ELL2: variants seen among roughly 807,000 people sequenced by gnomAD.
ELL2 encodes the protein RNA polymerase II elongation factor ELL2.
A neutral mutation model predicts 72.8 loss-of-function variants in ELL2; 21 were observed. That is an observed-to-expected ratio of 0.29 (90% CI 0.20 to 0.42). The LOEUF (loss-of-function observed/expected upper bound fraction) is 0.42. Among genes scored for constraint, ELL2 ranks in the 10% least tolerant of loss-of-function variants. The pLI is 1.00. For missense variants in ELL2, 568 were observed against 772.8 expected (o/e 0.73, Z 3.14); for synonymous variants, 266 against 283.2 (o/e 0.94, Z 0.61).
intron 2 of ELL2, among the ~76,000 whole-genome samples, chr5:95,923,462 G>A (rs114857929): frequency 1.6e-3 from 247 of 152,242 alleles, no homozygotes; most frequent in Non-Finnish European, 2.1e-3. Flanking sequence ...ACGCAGACAC[G>A]GCAGGGGCAG....
At position 95,920,277 on chromosome 5, in the gene ELL2, ATATTTATTTATTTATTTATTTATT is replaced by A. The variant is rs70978197; in HGVS notation, c.196-756_196-733del. ...TGTTATTTTTATTTTTAAATTTTTA[ATATTTATTTATTTATTTATTTATT>A]TATTTATTTATTTATTTATTTATTT... On this transcript the variant is annotated intron_variant, in intron 2 of 11. Coordinates refer to ENST00000237853, the MANE Select transcript of ELL2 (RefSeq NM_012081.6). Among the ~76,000 whole-genome samples the A allele has an allele frequency of 8.1e-5, 11 of 135,258 alleles. No individual in the cohort carries two copies. In the East Asian group the frequency reaches 2.3e-3, roughly 28 times the overall value. 88.7% of individuals were successfully genotyped at this position (135,258 alleles called of 152,430 possible).
intron 1 of ELL2, among the ~76,000 whole-genome samples, chr5:95,950,166 T>A (rs897018779): frequency 1.3e-5 from 2 of 152,228 alleles, no homozygotes; most frequent in Admixed American, 1.3e-4. Flanking sequence ...TGTTTTTACT[T>A]GCACTAGTAA....
chr5:95,922,816 T>C (rs1392227952), intron 2 of ELL2, among the ~76,000 whole-genome samples: 1 of 151,848 alleles, frequency 6.6e-6, no homozygotes, highest in African/African-American at 2.4e-5. Flanking sequence ...AACAAAGTTT[T>C]TAAAAAATCA....
chr5:95,896,121 C>A (rs1015743554), intron 8 of ELL2, among the ~76,000 whole-genome samples: 4 of 152,194 alleles, frequency 2.6e-5, no homozygotes, highest in African/African-American at 9.7e-5. Flanking sequence ...AGGTAGCCGA[C>A]TGCTTTGGTC....
At chr5:95,900,816 G>A (rs541087511) in intron 6 of ELL2, 36 bp from the exon 7 acceptor site, 1 of 1,573,868 alleles carries the variant, frequency 6.4e-7, no homozygotes, top group South Asian at 1.2e-5. Context: ...TTAAGGAGAT[G>A]ATTTAAAAAT....
intron 8 of ELL2, among the ~76,000 whole-genome samples, chr5:95,896,011 G>A (rs553047677): frequency 1.3e-5 from 2 of 152,344 alleles, no homozygotes; most frequent in African/African-American, 4.8e-5. Flanking sequence ...GCAATTCAAA[G>A]ATTGTGGTGG....
intron 2 of ELL2, among the ~76,000 whole-genome samples, chr5:95,940,376 A>T (rs963432454): frequency 2.0e-5 from 3 of 152,238 alleles, no homozygotes; most frequent in Admixed American, 6.5e-5. Flanking sequence ...GTTCAGGCAC[A>T]AAAGCAAATA....
intron 9 of ELL2, among the ~76,000 whole-genome samples, chr5:95,894,682 C>T (rs1748803264): frequency 6.6e-6 from 1 of 152,224 alleles, no homozygotes; most frequent in Non-Finnish European, 1.5e-5. Context: ...TGATAACCAG[C>T]ATTATGGTTT....
chr5:95,900,161 T>C (rs1220671823), intron 7 of ELL2: 1 of 152,178 alleles, frequency 6.6e-6, no homozygotes, highest in African/African-American at 2.4e-5. Context: ...CACCTTTTTC[T>C]TGGATGAGCT....
chr5:95,926,656 G>C (rs1440611590), intron 2 of ELL2, among the ~76,000 whole-genome samples: 2 of 152,042 alleles, frequency 1.3e-5, no homozygotes, highest in Non-Finnish European at 2.9e-5. Context: ...TCTAGTTCTG[G>C]ATTAAAGAGT....
intron 1 of ELL2, among the ~76,000 whole-genome samples, chr5:95,949,695 T>C (rs940490876): frequency 7.7e-6 from 1 of 129,410 alleles, no homozygotes; most frequent in African/African-American, 3.5e-5. Flanking sequence ...ATGATAAAGA[T>C]ACTGCAAAAA....
At chr5:95,940,155 G>A (rs1400740892) in intron 2 of ELL2, among the ~76,000 whole-genome samples, 5 of 152,094 alleles carry the variant, frequency 3.3e-5, no homozygotes, top group Non-Finnish European at 7.4e-5. Flanking sequence ...CTAATTTTCT[G>A]AGCACCTTTT....
intron 1 of ELL2, among the ~76,000 whole-genome samples, chr5:95,956,883 C>G (rs951974209): frequency 6.6e-6 from 1 of 152,136 alleles, no homozygotes; most frequent in Non-Finnish European, 1.5e-5. Flanking sequence ...TATATATGTA[C>G]AAATTTTAAA....
rs140253995 is a variant in ELL2, at chr5:95,913,573, T to C, written c.481+198A>G. The C allele has an allele frequency of 8.0e-4, 401 of 498,368 alleles. 1 individual carries two copies. Among genetic ancestry groups the C allele is most frequent in the African/African-American group, 6.9e-3 (341 of 49,688 alleles). 30.9% of individuals were successfully genotyped at this position (498,368 alleles called of 1,614,324 possible). On this transcript the variant is annotated intron_variant, in intron 4 of 11. Coordinates refer to ENST00000237853, the MANE Select transcript of ELL2 (RefSeq NM_012081.6). ...GAAGATTCAGGATTTAGGAAAGTCA[T>C]AGAACTTTAAAATATGCTCTTCAAT...
chr5:95,915,921 T>C (rs1213300772), intron 3 of ELL2, among the ~76,000 whole-genome samples: 6 of 151,962 alleles, frequency 3.9e-5, no homozygotes, highest in Admixed American at 3.3e-4. Context: ...ATCCAAAGGA[T>C]AACGAGAGGC....
chr5:95,894,350 G>A (rs970628119), intron 9 of ELL2, among the ~76,000 whole-genome samples: 19 of 152,184 alleles, frequency 1.2e-4, no homozygotes, highest in African/African-American at 4.3e-4. Flanking sequence ...TGATTCTGTC[G>A]TATATAATAA....
At chr5:95,957,701 A>C (rs765598621) in intron 1 of ELL2, among the ~76,000 whole-genome samples, 12 of 152,208 alleles carry the variant, frequency 7.9e-5, no homozygotes, top group Non-Finnish European at 1.3e-4. Flanking sequence ...ACTTCTCTAA[A>C]AATAGGGAAC....
chr5:95,960,467 TAC>T (rs1346082787), intron 1 of ELL2, among the ~76,000 whole-genome samples: 5 of 152,036 alleles, frequency 3.3e-5, no homozygotes, highest in African/African-American at 1.2e-4. Context: ...GTAGTCCAAT[TAC>T]AGTGTATGTG....
rs1380582340 is a variant in ELL2 at position 95,887,925 on chromosome 5, T to C, written c.*946A>G. On this transcript the variant is annotated 3_prime_UTR_variant, in exon 12 of 12. Transcript: ENST00000237853. Reference sequence around the variant, plus strand: ...AACATTAATAAAGCTGACAAACTCGTTGAAATGGAAATGCTTTTGTCTTCC... The same window carrying C: ...AACATTAATAAAGCTGACAAACTCGCTGAAATGGAAATGCTTTTGTCTTCC... 1 of 152,458 alleles carries C rather than the reference T, an allele frequency of 6.6e-6. No homozygotes were observed. The highest frequency in any genetic ancestry group is 2.4e-5 in the African/African-American group (1 of 41,420). 9.4% of individuals were successfully genotyped at this position (152,458 alleles called of 1,614,324 possible). A position where few individuals can be genotyped will look rare whatever the true frequency, so the allele number is the denominator to read the frequency against.
Sources: allele counts gnomAD v4.1 joint callset (sites outside exome capture counted in the v4.1 genomes callset), GRCh38; gene constraint gnomAD v4.1.1; transcripts MANE v1.5; gene names NCBI Gene and HGNC (gene_info 2026-07-23, HGNC 2026-07-21).